Variants in RAP2B observed in about 807,000 individuals in gnomAD.
The protein encoded by RAP2B is ras-related protein Rap-2b.
Under a neutral mutation model 14.4 loss-of-function variants are expected in RAP2B, and 6 were observed. That is an observed-to-expected ratio of 0.42 (90% CI 0.23 to 0.82). RAP2B has a LOEUF of 0.82. Among genes scored for constraint, RAP2B ranks in the 40% least tolerant of loss-of-function variants. The pLI is 0.30. For missense variants in RAP2B, 137 were observed against 248.2 expected (o/e 0.55, Z 3.01); for synonymous variants, 118 against 113.2 (o/e 1.04, Z -0.27).
chr3:153,168,259 G>T lies in RAP2B; in HGVS notation c.*5014G>T, dbSNP rs1432678008. 6.0e-6 allele frequency: 1 copy of T among 166,912 alleles called. No individual in the cohort carries two copies. The highest frequency in any genetic ancestry group is 2.4e-5 in the African/African-American group (1 of 41,428). 10.3% of individuals were successfully genotyped at this position (166,912 alleles called of 1,614,324 possible). Reference sequence around the variant, plus strand: ...TAGATCTAATTACAAGTAGTGGATTGCTTACTTCAAATTTCTCTTTTACAA... The same window carrying T: ...TAGATCTAATTACAAGTAGTGGATTTCTTACTTCAAATTTCTCTTTTACAA... On this transcript the variant is annotated 3_prime_UTR_variant, in exon 1 of 1. Transcript: ENST00000323534.
chr3:153,163,020 G>C lies in RAP2B; in HGVS notation c.327G>C (p.Val109=), dbSNP rs753044790. ...TCCGCGTGAAGCGGTACGAGCGCGT[G>C]CCCATGATCCTGGTGGGCAACAAGG... ...QIIRVKRYER[V]PMILVGNKVD... The change falls in exon 1 of 1, where the codon GTG becomes GTC. Residue 109 remains valine, a synonymous_variant. Coordinates refer to ENST00000323534, the MANE Select transcript of RAP2B (RefSeq NM_002886.4). 2 of 1,614,062 alleles carry C rather than the reference G, an allele frequency of 1.2e-6. No individual in the cohort carries two copies. The highest frequency in any genetic ancestry group is 1.3e-5 in the African/African-American group (1 of 74,948).
chr3:153,162,634 T>C lies in RAP2B; in HGVS notation c.-60T>C, dbSNP rs1028739924. On this transcript the variant is annotated 5_prime_UTR_variant, in exon 1 of 1. Coordinates refer to ENST00000323534, the MANE Select transcript of RAP2B (RefSeq NM_002886.4). This position sits in a 1 kb window ranked among gnomAD's most constrained non-coding sequence, Gnocchi z 4.9. ...AGAAGTCCAGCCGCCAAGCCCAGCC[T>C]TCCCCGGCGCGCAGCCCCGACGGGG... 102 of 1,518,448 alleles carry C rather than the reference T, an allele frequency of 6.7e-5. No homozygotes were observed. In the African/African-American group the frequency reaches 1.3e-3, roughly 20 times the overall value. The allele number at this position is 1,518,448 out of a possible 1,614,324, so 94.1% of individuals were successfully genotyped here. A position where few individuals can be genotyped will look rare whatever the true frequency, so the allele number is the denominator to read the frequency against.
chr3:153,169,082 G>A lies in RAP2B; in HGVS notation c.*5837G>A, dbSNP rs1436161843. The A allele has an allele frequency of 1.3e-5, 2 of 152,134 alleles. No individual in the cohort carries two copies. Among genetic ancestry groups the A allele is most frequent in the Non-Finnish European group, 2.9e-5 (2 of 68,030 alleles). 9.4% of individuals were successfully genotyped at this position (152,134 alleles called of 1,614,324 possible). ...TATATAAGACAATCAGAATTATCTG[G>A]TAGTTTATTCTAATCCTGGTTAATA... On this transcript the variant is annotated 3_prime_UTR_variant, in exon 1 of 1. Transcript: ENST00000323534.
Position 153,162,680 on chromosome 3 carries a change from G to A in RAP2B, c.-14G>A. The A allele has an allele frequency of 6.3e-7, 1 of 1,582,922 alleles. No individual in the cohort carries two copies. ...CGGGGCCGCGGCAGGCGCGGCGAGA[G>A]CGCTGACGGAGCCATGAGAGAGTAC... On this transcript the variant is annotated 5_prime_UTR_variant, in exon 1 of 1. Coordinates refer to ENST00000323534, the MANE Select transcript of RAP2B (RefSeq NM_002886.4). This position sits in a 1 kb window ranked among gnomAD's most constrained non-coding sequence, Gnocchi z 4.9.
Position 153,164,862 on chromosome 3 carries a change from A to G in RAP2B, c.*1617A>G, listed in dbSNP as rs1425332600. 2.4e-5 allele frequency: 4 copies of G among 167,098 alleles called. No individual in the cohort carries two copies. The highest frequency in any genetic ancestry group is 4.4e-5 in the Non-Finnish European group (3 of 68,118). The allele number at this position is 167,098 out of a possible 1,614,324, so 10.4% of individuals were successfully genotyped here. A position where few individuals can be genotyped will look rare whatever the true frequency, so the allele number is the denominator to read the frequency against. On this transcript the variant is annotated 3_prime_UTR_variant, in exon 1 of 1. Transcript: ENST00000323534. ...TTTTAAAGACAGAAGTGTCTCAGTG[A>G]CAAGTTGGATGACACTACTCCCAAC... is the stretch of plus-strand genomic sequence containing the variant.
Position 153,163,875 on chromosome 3 carries a change from A to T in RAP2B, c.*630A>T, listed in dbSNP as rs1437267144. 6.0e-6 allele frequency: 1 copy of T among 166,822 alleles called. No individual in the cohort carries two copies. The highest frequency in any genetic ancestry group is 2.4e-5 in the African/African-American group (1 of 41,310). The allele number at this position is 166,822 out of a possible 1,614,324, so 10.3% of individuals were successfully genotyped here. ...CCCATGACTGATTGCGATTCTGAGG[A>T]TGTCTATGCAAAGTTGGATTCTTGT... On this transcript the variant is annotated 3_prime_UTR_variant, in exon 1 of 1. Transcript: ENST00000323534.
rs950020605 is a variant in RAP2B, at chr3:153,168,011, G to A, written c.*4766G>A. On this transcript the variant is annotated 3_prime_UTR_variant, in exon 1 of 1. Coordinates refer to ENST00000323534, the MANE Select transcript of RAP2B (RefSeq NM_002886.4). ...AATCTTCATATCATGGTAAGCACATGCGTATGTCTGTGACTCAGTTTCTTA... is the reference window on the plus strand; with the variant it reads ...AATCTTCATATCATGGTAAGCACATACGTATGTCTGTGACTCAGTTTCTTA... 9 of 167,020 alleles carry A rather than the reference G, an allele frequency of 5.4e-5. No individual in the cohort carries two copies. The highest frequency in any genetic ancestry group is 2.2e-4 in the African/African-American group (9 of 41,444). The allele number at this position is 167,020 out of a possible 1,614,324, so 10.3% of individuals were successfully genotyped here.
chr3:153,169,033 CCTATA>C lies in RAP2B; in HGVS notation c.*5793_*5797del, dbSNP rs1426040160. 1 of 152,032 alleles carries C rather than the reference CCTATA, an allele frequency of 6.6e-6. No homozygotes were observed. Among genetic ancestry groups the C allele is most frequent in the Non-Finnish European group, 1.5e-5 (1 of 68,018 alleles). 9.4% of individuals were successfully genotyped at this position (152,032 alleles called of 1,614,324 possible). ...TTGGAATAATATATTTTAAAAGTGT[CCTATA>C]CTATGAATTTATTTGCCATATATAA... is the stretch of plus-strand genomic sequence containing the variant. On this transcript the variant is annotated 3_prime_UTR_variant, in exon 1 of 1. Coordinates refer to ENST00000323534, the MANE Select transcript of RAP2B (RefSeq NM_002886.4).
rs1457828304 is a variant in RAP2B at position 153,167,673 on chromosome 3, CTGTT to C, written c.*4429_*4432del. Reference sequence around the variant, plus strand: ...CATATACCATTTATACTAAGACTAACTGTTGTGTGTGAAATAGAATAAACATTGC... The same window carrying C: ...CATATACCATTTATACTAAGACTAACGTGTGTGAAATAGAATAAACATTGC... On this transcript the variant is annotated 3_prime_UTR_variant, in exon 1 of 1. Coordinates refer to ENST00000323534, the MANE Select transcript of RAP2B (RefSeq NM_002886.4). The C allele has an allele frequency of 1.2e-5, 2 of 167,078 alleles. No individual in the cohort carries two copies. The highest frequency in any genetic ancestry group is 2.4e-5 in the African/African-American group (1 of 41,450). 10.3% of individuals were successfully genotyped at this position (167,078 alleles called of 1,614,324 possible).
Position 153,169,446 on chromosome 3 carries a change from G to C in RAP2B, c.*6201G>C, listed in dbSNP as rs977780885. 2 of 147,362 alleles carry C rather than the reference G, an allele frequency of 1.4e-5. No individual in the cohort carries two copies. The highest frequency in any genetic ancestry group is 3.0e-5 in the Non-Finnish European group (2 of 67,378). 9.1% of individuals were successfully genotyped at this position (147,362 alleles called of 1,614,324 possible). ...GCTGGGATTACAGGTGTGAGCCACC[G>C]CACCCAGCCTTTTTTTTGAAATGGA... On this transcript the variant is annotated 3_prime_UTR_variant, in exon 1 of 1. Transcript: ENST00000323534.
chr3:153,168,137 T>C lies in RAP2B; in HGVS notation c.*4892T>C, dbSNP rs1020560782. The C allele has an allele frequency of 2.4e-5, 4 of 167,010 alleles. No individual in the cohort carries two copies. The East Asian group carries it at 7.7e-4, about 32-fold the overall frequency. The allele number at this position is 167,010 out of a possible 1,614,324, so 10.3% of individuals were successfully genotyped here. A position where few individuals can be genotyped will look rare whatever the true frequency, so the allele number is the denominator to read the frequency against. On this transcript the variant is annotated 3_prime_UTR_variant, in exon 1 of 1. Transcript: ENST00000323534. ...AAAACTGTGTATCTTGCAGCTTCTT[T>C]CGTTATGCATCTTAATTCCCTCAGA... is the stretch of plus-strand genomic sequence containing the variant.
rs1489636131 is a variant in RAP2B, at chr3:153,166,174, T to C, written c.*2929T>C. 1 of 166,960 alleles carries C rather than the reference T, an allele frequency of 6.0e-6. No individual in the cohort carries two copies. Among genetic ancestry groups the C allele is most frequent in the Non-Finnish European group, 1.5e-5 (1 of 68,104 alleles). 10.3% of individuals were successfully genotyped at this position (166,960 alleles called of 1,614,324 possible). The stretch of plus-strand genomic sequence containing the variant: ...TTATTAAGTGATGTAAAATAAATGC[T>C]TTTTGGATTATCAATGAAAGCAATT... On this transcript the variant is annotated 3_prime_UTR_variant, in exon 1 of 1. Coordinates refer to ENST00000323534, the MANE Select transcript of RAP2B (RefSeq NM_002886.4).
rs748209482 is a variant in RAP2B, at chr3:153,164,178, TTTTTG to T, written c.*938_*942del. On this transcript the variant is annotated 3_prime_UTR_variant, in exon 1 of 1. Coordinates refer to ENST00000323534, the MANE Select transcript of RAP2B (RefSeq NM_002886.4). ...TGTGTGTTTTAAGTTTAGCCTTTTG[TTTTTG>T]TTTTTTGGTTGGCAGTAACCGATTT... 7.2e-4 allele frequency: 113 copies of T among 156,076 alleles called. 1 individual carries two copies. Among genetic ancestry groups the T allele is most frequent in the Non-Finnish European group, 1.3e-3 (90 of 67,898 alleles). 9.7% of individuals were successfully genotyped at this position (156,076 alleles called of 1,614,324 possible). A position where few individuals can be genotyped will look rare whatever the true frequency, so the allele number is the denominator to read the frequency against.
rs1405331532 is a variant in RAP2B at position 153,162,310 on chromosome 3, G to A, written c.-384G>A. The A allele has an allele frequency of 6.3e-6, 1 of 158,482 alleles. No individual in the cohort carries two copies. The highest frequency in any genetic ancestry group is 1.4e-5 in the Non-Finnish European group (1 of 72,770). 9.8% of individuals were successfully genotyped at this position (158,482 alleles called of 1,614,324 possible). On this transcript the variant is annotated 5_prime_UTR_variant, in exon 1 of 1. Coordinates refer to ENST00000323534, the MANE Select transcript of RAP2B (RefSeq NM_002886.4). The surrounding 1 kb of genome is among the most constrained non-coding windows in gnomAD (Gnocchi z 4.9). ...ACTCATGCCACGCGCGTCCCGGCCC[G>A]ACGCGCAATTAGCAGCCACCTCCGC... is the stretch of plus-strand genomic sequence containing the variant.
Position 153,163,255 on chromosome 3 carries a change from CG to C in RAP2B, c.*11del, listed in dbSNP as rs781274584. ...CTGCGTGATCCTCTGAGGCGGCCAC[CG>C]CGCGCCGGCCGCGCTCTGCGCACAA... is the stretch of plus-strand genomic sequence containing the variant. On this transcript the variant is annotated 3_prime_UTR_variant, in exon 1 of 1. Transcript: ENST00000323534. The C allele has an allele frequency of 1.3e-6, 2 of 1,520,422 alleles. No homozygotes were observed. The highest frequency in any genetic ancestry group is 1.3e-5 in the South Asian group (1 of 78,110). 94.2% of individuals were successfully genotyped at this position (1,520,422 alleles called of 1,614,324 possible).
At position 153,165,809 on chromosome 3, in the gene RAP2B, C is replaced by T. The variant is rs755873672; in HGVS notation, c.*2564C>T. 7.2e-5 allele frequency: 12 copies of T among 166,914 alleles called. No individual in the cohort carries two copies. Among genetic ancestry groups the T allele is most frequent in the Non-Finnish European group, 1.3e-4 (9 of 68,088 alleles). 10.3% of individuals were successfully genotyped at this position (166,914 alleles called of 1,614,324 possible). ...GATACTGTATAATTTTATGCCTTTG[C>T]AAAGATTCGTTCTTGTATTTGAATA... is the stretch of plus-strand genomic sequence containing the variant. On this transcript the variant is annotated 3_prime_UTR_variant, in exon 1 of 1. Transcript: ENST00000323534.
In RAP2B at chr3:153,164,172, CTTTTG is replaced by C. The variant is rs144967106; in HGVS notation, c.*932_*936del. The C allele has an allele frequency of 0.035, 5,786 of 166,136 alleles. 276 individuals are homozygous for C. The highest frequency in any genetic ancestry group is 0.11 in the African/African-American group (4,659 of 41,150). The allele number at this position is 166,136 out of a possible 1,614,324, so 10.3% of individuals were successfully genotyped here. On this transcript the variant is annotated 3_prime_UTR_variant, in exon 1 of 1. Coordinates refer to ENST00000323534, the MANE Select transcript of RAP2B (RefSeq NM_002886.4). Reference sequence around the variant, plus strand: ...GGTGTGTGTGTGTTTTAAGTTTAGCCTTTTGTTTTTGTTTTTTGGTTGGCAGTAAC... The same window carrying C: ...GGTGTGTGTGTGTTTTAAGTTTAGCCTTTTTGTTTTTTGGTTGGCAGTAAC...
At position 153,164,149 on chromosome 3, in the gene RAP2B, T is replaced by G. The variant is rs1209015267; in HGVS notation, c.*904T>G. ...ATGGTGTGTGTGTGTATGTGTGTGGTGTGTGTGTGTTTTAAGTTTAGCCTT... is the reference window on the plus strand; with the variant it reads ...ATGGTGTGTGTGTGTATGTGTGTGGGGTGTGTGTGTTTTAAGTTTAGCCTT... On this transcript the variant is annotated 3_prime_UTR_variant, in exon 1 of 1. Transcript: ENST00000323534. The G allele has an allele frequency of 6.0e-6, 1 of 166,276 alleles. No homozygotes were observed. Among genetic ancestry groups the G allele is most frequent in the Non-Finnish European group, 1.5e-5 (1 of 68,076 alleles). The allele number at this position is 166,276 out of a possible 1,614,324, so 10.3% of individuals were successfully genotyped here. A position where few individuals can be genotyped will look rare whatever the true frequency, so the allele number is the denominator to read the frequency against.
chr3:153,162,481 G>C lies in RAP2B; in HGVS notation c.-213G>C. 1 of 435,316 alleles carries C rather than the reference G, an allele frequency of 2.3e-6. No individual in the cohort carries two copies. Among genetic ancestry groups the C allele is most frequent in the Non-Finnish European group, 3.9e-6 (1 of 257,378 alleles). 27.0% of individuals were successfully genotyped at this position (435,316 alleles called of 1,614,324 possible). On this transcript the variant is annotated 5_prime_UTR_variant, in exon 1 of 1. Transcript: ENST00000323534. The surrounding 1 kb of genome is among the most constrained non-coding windows in gnomAD (Gnocchi z 4.9). ...GCGGACTGCTGCGGGGCCCGGACCC[G>C]CACCCCAGGGATACGCTGCCGCCGC... is the stretch of plus-strand genomic sequence containing the variant.
Sources: allele counts gnomAD v4.1 joint callset, GRCh38; gene constraint gnomAD v4.1.1; non-coding constraint Gnocchi (gnomAD v3.1); transcripts MANE v1.5; gene names NCBI Gene and HGNC (gene_info 2026-07-23, HGNC 2026-07-21).